SEMA3C: variants seen among roughly 807,000 people sequenced by gnomAD.
The protein encoded by SEMA3C is semaphorin 3C, also known as semaphorin-3C.
Under a neutral mutation model 89.4 loss-of-function variants are expected in SEMA3C, and 47 were observed. The ratio of observed to expected loss-of-function variants is 0.53; its 90% CI spans 0.42 to 0.67. SEMA3C has a LOEUF of 0.67. SEMA3C is among the 30% of genes least tolerant of loss of function. The pLI is 0.00. For synonymous variants in SEMA3C, 310 were observed against 320.2 expected, an observed-to-expected ratio of 0.97 and a Z score of 0.34; for missense variants, 839 against 929.1, an observed-to-expected ratio of 0.90 and a Z score of 1.26.
chr7:80,764,899 A>G (rs1788262347), intron 13 of SEMA3C, among the ~76,000 whole-genome samples: 1 of 152,172 alleles, frequency 6.6e-6, no homozygotes, highest in South Asian at 2.1e-4. Context: ...GATGACCACA[A>G]TTCTTCAAGT....
At chr7:80,851,234 C>T (rs1415294518) in intron 2 of SEMA3C, among the ~76,000 whole-genome samples, 5 of 152,168 alleles carry the variant, frequency 3.3e-5, no homozygotes, top group African/African-American at 7.2e-5. Context: ...CGGCCTGGCA[C>T]GGTGTCTCAT....
At chr7:80,881,164 A>AACAC (rs71802410) in intron 2 of SEMA3C, among the ~76,000 whole-genome samples, 4,148 of 135,406 alleles carry the variant, frequency 0.031, 84 homozygotes, top group Middle Eastern at 0.048. Flanking sequence ...TGGAGAAAGA[A>AACAC]ACACACACAC....
intron 2 of SEMA3C, among the ~76,000 whole-genome samples, chr7:80,859,133 G>GA (rs1003710453): frequency 1.3e-5 from 2 of 151,504 alleles, no homozygotes; most frequent in South Asian, 2.1e-4. Context: ...GAAAACTCAA[G>GA]AAAAAAAAGA....
chr7:80,878,546 A>C lies in SEMA3C; in HGVS notation c.103+38133T>G, dbSNP rs76716368. Among the ~76,000 whole-genome samples the C allele has an allele frequency of 5.8e-3, 877 of 152,284 alleles. 3 individuals carry two copies. Among genetic ancestry groups the C allele is most frequent in the Middle Eastern group, 0.051 (15 of 294 alleles). On this transcript the variant is annotated intron_variant, in intron 2 of 17. Coordinates refer to ENST00000265361, the MANE Select transcript of SEMA3C (RefSeq NM_006379.5). ...GAAGTTAGCTTGGGCACTGGGATAC[A>C]GGACTGTCATTTACTGGATACAAAA...
chr7:80,761,688 C>A (rs369797166), intron 13 of SEMA3C, 31 bp from the exon 14 acceptor site: 13 of 1,211,586 alleles, frequency 1.1e-5, no homozygotes, highest in Non-Finnish European at 1.5e-5. Context: ...ATGTTAGTTG[C>A]TCAAATATTG....
intron 4 of SEMA3C, among the ~76,000 whole-genome samples, chr7:80,823,441 TTATAA>T (rs1270349814): frequency 1.3e-5 from 2 of 152,118 alleles, no homozygotes; most frequent in Non-Finnish European, 2.9e-5. Flanking sequence ...TATATTACTT[TTATAA>T]TATAAAAATA....
rs1449995090 is a variant in SEMA3C, at chr7:80,754,957, G to GTTTTTTTTTTGTTTTTTTT, written c.1643+3373_1643+3374insAAAAAAAACAAAAAAAAAA. The stretch of plus-strand genomic sequence containing the variant: ...CATGCCTGGCGAATTGTTTTTTTTT[G>GTTTTTTTTTTGTTTTTTTT]TTTTTTTTTTTTTTGTATTTTTAGT... On this transcript the variant is annotated intron_variant, in intron 15 of 17. Transcript: ENST00000265361. 3.0e-4 allele frequency among the ~76,000 whole-genome samples: 32 copies of GTTTTTTTTTTGTTTTTTTT among 108,316 alleles called. 1 individual carries two copies. Among genetic ancestry groups the GTTTTTTTTTTGTTTTTTTT allele is most frequent in the Non-Finnish European group, 3.5e-4 (19 of 53,924 alleles). 71.1% of individuals were successfully genotyped at this position (108,316 alleles called of 152,430 possible).
chr7:80,750,827 C>T (rs1211115408), intron 16 of SEMA3C, among the ~76,000 whole-genome samples: 1 of 151,782 alleles, frequency 6.6e-6, no homozygotes, highest in East Asian at 1.9e-4. Flanking sequence ...CAGTATGTTG[C>T]ACAACAATGT....
chr7:80,853,259 T>C (rs11762405), intron 2 of SEMA3C, among the ~76,000 whole-genome samples: 14,670 of 152,094 alleles, frequency 0.096, 1,075 homozygotes, highest in African/African-American at 0.2. Flanking sequence ...AGCAATCCCA[T>C]TGCTGGGTAC....
At position 80,843,476 on chromosome 7, in the gene SEMA3C, G is replaced by A. The variant is rs546471388; in HGVS notation, c.104-14731C>T. 1.5e-3 allele frequency among the ~76,000 whole-genome samples: 224 copies of A among 152,162 alleles called. 1 individual carries two copies. The highest frequency in any genetic ancestry group is 5.1e-3 in the African/African-American group (211 of 41,506). On this transcript the variant is annotated intron_variant, in intron 2 of 17. Coordinates refer to ENST00000265361, the MANE Select transcript of SEMA3C (RefSeq NM_006379.5). The stretch of plus-strand genomic sequence containing the variant: ...GGCACTGCATCTGACTAGCTGTGTG[G>A]CTTTAGGCAACTTACTTAAATTATT...
At chr7:80,878,430 A>G (rs1791250971) in intron 2 of SEMA3C, among the ~76,000 whole-genome samples, 1 of 152,106 alleles carries the variant, frequency 6.6e-6, no homozygotes, top group African/African-American at 2.4e-5. Flanking sequence ...TTTCACAAAG[A>G]CTGACACTGG....
intron 2 of SEMA3C, among the ~76,000 whole-genome samples, chr7:80,900,624 G>C (rs1253542472): frequency 6.6e-6 from 1 of 152,218 alleles, no homozygotes; most frequent in Admixed American, 6.5e-5. Flanking sequence ...GTCAGCTCCT[G>C]AGCCTGACCT....
intron 2 of SEMA3C, among the ~76,000 whole-genome samples, chr7:80,902,900 T>TACAAAGGGCAGAG (rs1296309402): frequency 5.9e-5 from 9 of 152,118 alleles, no homozygotes; most frequent in Non-Finnish European, 1.5e-5. Context: ...AGGATTATAG[T>TACAAAGGGCAGAG]ACAAAGGGCA....
chr7:80,880,691 A>G (rs1442128724), intron 2 of SEMA3C, among the ~76,000 whole-genome samples: 4 of 152,166 alleles, frequency 2.6e-5, no homozygotes, highest in Non-Finnish European at 2.9e-5. Context: ...TTGGGAGCCC[A>G]AGGCAGGCAG....
In SEMA3C at chr7:80,791,322, T is replaced by C. The variant is rs186488132; in HGVS notation, c.1132-1794A>G. 1.4e-3 allele frequency among the ~76,000 whole-genome samples: 218 copies of C among 152,228 alleles called. 1 individual carries two copies. The highest frequency in any genetic ancestry group is 5.2e-3 in the African/African-American group (216 of 41,534). The stretch of plus-strand genomic sequence containing the variant: ...TGAGAAAAACCATTGGGTATAATAT[T>C]TTAATACATACAAACATTATTACTA... On this transcript the variant is annotated intron_variant, in intron 11 of 17. Transcript: ENST00000265361.
intron 2 of SEMA3C, among the ~76,000 whole-genome samples, chr7:80,874,737 G>A (rs1791158983): frequency 6.6e-6 from 1 of 151,866 alleles, no homozygotes; most frequent in South Asian, 2.1e-4. Flanking sequence ...CAAAGTGCAG[G>A]GATTACAGGC....
At chr7:80,856,549 A>G (rs1252763063) in intron 2 of SEMA3C, among the ~76,000 whole-genome samples, 2 of 151,284 alleles carry the variant, frequency 1.3e-5, no homozygotes, top group Non-Finnish European at 2.9e-5. Context: ...AAAAAAAAAA[A>G]AAAAAAAACT....
intron 15 of SEMA3C, among the ~76,000 whole-genome samples, chr7:80,754,584 A>G (rs1788012839): frequency 6.6e-6 from 1 of 152,214 alleles, no homozygotes; most frequent in African/African-American, 2.4e-5. Flanking sequence ...ATTTACTATA[A>G]ATACTTGCTT....
chr7:80,805,605 T>C, intron 7 of SEMA3C, 34 bp downstream of exon 7: 1 of 1,571,056 alleles, frequency 6.4e-7, no homozygotes, highest in Non-Finnish European at 8.6e-7. Context: ...TTTAACACGA[T>C]ACTAAAAAAT....
Sources: gnomAD v4.1 joint callset for allele counts (sites outside exome capture counted in the v4.1 genomes callset) on GRCh38, gnomAD v4.1.1 for gene constraint, MANE v1.5 for transcripts, NCBI Gene and HGNC (gene_info 2026-07-23, HGNC 2026-07-21) for gene names.